The following PDE4B variants were observed in gnomAD, a reference collection of about 807,000 sequenced individuals.
PDE4B encodes the protein 3',5'-cyclic-AMP phosphodiesterase 4B.
PDE4B carries 20 observed loss-of-function variants against 82.2 expected under a neutral mutation model. The ratio of observed to expected loss-of-function variants is 0.24; its 90% confidence interval spans 0.17 to 0.35. PDE4B has a LOEUF of 0.35. Among genes scored for constraint, PDE4B ranks in the 10% least tolerant of loss-of-function variants. PDE4B has a pLI of 1.00. For missense variants in PDE4B, 655 were observed against 907.2 expected (o/e 0.72, Z 3.57); for synonymous variants, 320 against 318.9 (o/e 1.00, Z -0.04).
chr1:66,313,308 G>T (rs1658796160), intron 7 of PDE4B, among the ~76,000 whole-genome samples: 1 of 152,196 alleles, frequency 6.6e-6, no homozygotes, highest in Non-Finnish European at 1.5e-5. Context: ...TTCTAGAATA[G>T]AATTACTTCT....
intron 3 of PDE4B, among the ~76,000 whole-genome samples, chr1:66,228,323 C>T (rs546012945): frequency 1.8e-4 from 28 of 152,186 alleles, no homozygotes; most frequent in Non-Finnish European, 2.5e-4. Context: ...CCTGCTGACT[C>T]AGCCCCATGA....
At chr1:65,888,186 A>G (rs1445416725) in intron 1 of PDE4B, among the ~76,000 whole-genome samples, 1 of 152,090 alleles carries the variant, frequency 6.6e-6, no homozygotes, top group African/African-American at 2.4e-5. Context: ...TTTTCCTAGC[A>G]CCATTTATTG....
At chr1:66,090,189 T>C (rs1644983644) in intron 3 of PDE4B, among the ~76,000 whole-genome samples, 2 of 152,056 alleles carry the variant, frequency 1.3e-5, no homozygotes, top group South Asian at 2.1e-4. Context: ...ATAAGGCAAA[T>C]GTATTTGTAG....
intron 3 of PDE4B, among the ~76,000 whole-genome samples, chr1:66,111,459 C>T (rs1427185091): frequency 3.9e-5 from 6 of 152,166 alleles, no homozygotes; most frequent in East Asian, 1.9e-4. Context: ...CACCATTCTA[C>T]GTTTTGTCTC....
At chr1:66,307,320 A>G (rs1307900109) in intron 7 of PDE4B, among the ~76,000 whole-genome samples, 1 of 152,160 alleles carries the variant, frequency 6.6e-6, no homozygotes, top group East Asian at 1.9e-4. Flanking sequence ...AGCCATGGAG[A>G]GCAAGAGGGT....
chr1:66,190,369 AG>A (rs1255106015), intron 3 of PDE4B, among the ~76,000 whole-genome samples: 1 of 152,204 alleles, frequency 6.6e-6, no homozygotes, highest in Non-Finnish European at 1.5e-5. Context: ...GCTGTCAGAC[AG>A]GGACATTGAA....
intron 1 of PDE4B, among the ~76,000 whole-genome samples, chr1:65,865,824 C>T (rs997737073): frequency 2.6e-5 from 4 of 151,676 alleles, no homozygotes; most frequent in South Asian, 2.1e-4. Context: ...CGTTTTTATT[C>T]GGCCATCTTG....
chr1:66,115,773 T>G (rs1419941660), intron 3 of PDE4B, among the ~76,000 whole-genome samples: 2 of 152,214 alleles, frequency 1.3e-5, no homozygotes, highest in African/African-American at 4.8e-5. Context: ...ATGTGAAGAA[T>G]CTTGATAAAA....
intron 1 of PDE4B, among the ~76,000 whole-genome samples, chr1:65,830,009 C>T (rs1019220503): frequency 2.0e-5 from 3 of 152,068 alleles, no homozygotes; most frequent in African/African-American, 7.2e-5. Flanking sequence ...GAACAAGGGA[C>T]TCTTAAGACA....
chr1:66,334,751 A>G (rs761673242), intron 8 of PDE4B, among the ~76,000 whole-genome samples: 4 of 152,220 alleles, frequency 2.6e-5, no homozygotes, highest in Non-Finnish European at 5.9e-5. Flanking sequence ...AAAATTATTG[A>G]TTATTCAGAT....
At chr1:66,348,852 C>T (rs1382039241) in intron 8 of PDE4B, among the ~76,000 whole-genome samples, 1 of 151,876 alleles carries the variant, frequency 6.6e-6, no homozygotes, top group African/African-American at 2.4e-5. Context: ...TAAATAGTTA[C>T]AGTATCTTTT....
At position 65,848,309 on chromosome 1, in the gene PDE4B, T is replaced by TG. The variant is rs1557777051; in HGVS notation, c.-71+55061_-71+55062insG. On this transcript the variant is annotated intron_variant, in intron 1 of 16. Coordinates refer to ENST00000341517, the MANE Select transcript of PDE4B (RefSeq NM_002600.4). Reference sequence around the variant, plus strand: ...ATGTGCCACCACGCATGGCTAATTTTTGTGTGTGTGTGTTTTAGTAGAGAC... The same window carrying TG: ...ATGTGCCACCACGCATGGCTAATTTTGTGTGTGTGTGTGTTTTAGTAGAGAC... Among the ~76,000 whole-genome samples the TG allele has an allele frequency of 1.9e-3, 284 of 152,046 alleles. 1 individual carries two copies. Among genetic ancestry groups the TG allele is most frequent in the African/African-American group, 6.7e-3 (277 of 41,490 alleles).
At chr1:65,887,024 C>A (rs1470235606) in intron 1 of PDE4B, among the ~76,000 whole-genome samples, 2 of 152,084 alleles carry the variant, frequency 1.3e-5, no homozygotes, top group Admixed American at 1.3e-4. Flanking sequence ...ACATTCTCAC[C>A]AGCATCTGCT....
chr1:66,110,183 A>G (rs1293208660), intron 3 of PDE4B, among the ~76,000 whole-genome samples: 1 of 152,014 alleles, frequency 6.6e-6, no homozygotes, highest in African/African-American at 2.4e-5. Context: ...GCTTAAACCT[A>G]GGTTTTCAAT....
At chr1:65,936,566 TA>T (rs1648150531) in intron 3 of PDE4B, among the ~76,000 whole-genome samples, 2 of 152,154 alleles carry the variant, frequency 1.3e-5, no homozygotes, top group African/African-American at 4.8e-5. Flanking sequence ...TGTTGTTAAA[TA>T]TTAGAGTGCG....
intron 3 of PDE4B, among the ~76,000 whole-genome samples, chr1:66,168,100 C>T (rs531576546): frequency 1.3e-5 from 2 of 152,164 alleles, no homozygotes; most frequent in African/African-American, 2.4e-5. Flanking sequence ...TGAACTAGAC[C>T]AACTATCTTC....
intron 1 of PDE4B, among the ~76,000 whole-genome samples, chr1:65,889,059 G>A (rs555901581): frequency 1.3e-5 from 2 of 152,068 alleles, no homozygotes; most frequent in African/African-American, 4.8e-5. Context: ...TCAGTATGAC[G>A]TTAGCTGTAT....
chr1:65,966,023 A>G (rs1026493530), intron 3 of PDE4B, among the ~76,000 whole-genome samples: 1 of 152,192 alleles, frequency 6.6e-6, no homozygotes. Context: ...CTCTTATTCA[A>G]CATAGTATTG....
At chr1:65,799,440 A>G (rs572224066) in intron 1 of PDE4B, among the ~76,000 whole-genome samples, 6 of 152,210 alleles carry the variant, frequency 3.9e-5, no homozygotes, top group Non-Finnish European at 8.8e-5. Flanking sequence ...TGATTTTTTT[A>G]AATAAAAATA....
Sources: gnomAD v4.1 joint callset for allele counts (sites outside exome capture counted in the v4.1 genomes callset) on GRCh38, gnomAD v4.1.1 for gene constraint, MANE v1.5 for transcripts, NCBI Gene and HGNC (gene_info 2026-07-23, HGNC 2026-07-21) for gene names.